AOPEP: variants seen among roughly 807,000 people sequenced by gnomAD.
The protein encoded by AOPEP is aminopeptidase O.
In AOPEP, 77 loss-of-function variants were observed where a neutral mutation model predicts 98.1. The ratio of observed to expected loss-of-function variants is 0.78; its 90% CI spans 0.65 to 0.95. The LOEUF (loss-of-function observed/expected upper bound fraction) is 0.95, where lower values mean the gene tolerates loss of function less well. AOPEP is among the 40% of genes least tolerant of loss of function. The pLI is 0.00. For synonymous variants in AOPEP, 346 were observed against 365.3 expected, an observed-to-expected ratio of 0.95 and a Z score of 0.60; for missense variants, 1,024 against 1,024.7, an observed-to-expected ratio of 1.00 and a Z score of 0.01.
intron 5 of AOPEP, among the ~76,000 whole-genome samples, chr9:94,866,986 C>T (rs1473064809): frequency 5.3e-5 from 8 of 152,020 alleles, no homozygotes; most frequent in Non-Finnish European, 1.5e-5. Flanking sequence ...TAAATCTAAC[C>T]CAGCAAAATT....
intron 13 of AOPEP, among the ~76,000 whole-genome samples, chr9:95,020,819 G>A (rs1393703318): frequency 3.4e-5 from 5 of 149,174 alleles, no homozygotes; most frequent in Non-Finnish European, 5.9e-5. Flanking sequence ...TCAGGAGGCT[G>A]AGGTGGGAGG....
At chr9:94,816,301 C>T (rs186755686) in intron 5 of AOPEP, among the ~76,000 whole-genome samples, 6 of 152,286 alleles carry the variant, frequency 3.9e-5, no homozygotes, top group East Asian at 3.9e-4. Context: ...TTGGCCTCCA[C>T]GCAGATACAC....
chr9:94,945,964 G>A (rs952798138), intron 7 of AOPEP, among the ~76,000 whole-genome samples: 3 of 152,084 alleles, frequency 2.0e-5, no homozygotes, highest in African/African-American at 7.2e-5. Flanking sequence ...GAGTCACTAT[G>A]ATCACCTTAA....
At chr9:94,806,345 G>A (rs1423838992) in intron 5 of AOPEP, among the ~76,000 whole-genome samples, 2 of 151,252 alleles carry the variant, frequency 1.3e-5, no homozygotes, top group Non-Finnish European at 2.9e-5. Flanking sequence ...GATGTTGAAT[G>A]GGCATTTCTT....
chr9:95,096,855 A>G, the AOPEP span, among the ~76,000 whole-genome samples: 1 of 152,210 alleles, frequency 6.6e-6, no homozygotes, highest in Non-Finnish European at 1.5e-5. Flanking sequence ...TGTCCATATG[A>G]ATGTTGGAAT....
chr9:94,942,249 T>A (rs2057088311), intron 7 of AOPEP, among the ~76,000 whole-genome samples: 1 of 152,228 alleles, frequency 6.6e-6, no homozygotes, highest in South Asian at 2.1e-4. Context: ...TAGTTTCCCA[T>A]TCAGAAAAAC....
chr9:94,955,250 A>G lies in AOPEP; in HGVS notation c.1735A>G (p.Lys579Glu). ...TATCAAGCATGGACTTAATCCGGAG[A>G]AGATCTTCATGCAGGTGCATTATTT... The part of the protein sequence containing the change: ...SVIKHGLNPE[K>E]IFMQVHYLKG... Residue 579 changes from lysine (K) to glutamate (E), a missense_variant, in exon 8 of 17, where the codon AAG (lysine) becomes GAG (glutamate). Physicochemically the swap from Lys to Glu is moderately conservative, Grantham distance 56. This residue lies in a region of AOPEP where 566 missense variants were observed against 551.7 expected (regional missense o/e 1.03). Coordinates refer to ENST00000375315, the MANE Select transcript of AOPEP (RefSeq NM_001193329.3). The G allele has an allele frequency of 6.2e-7, 1 of 1,613,460 alleles. No individual in the cohort carries two copies. Among genetic ancestry groups the G allele is most frequent in the South Asian group, 1.1e-5 (1 of 90,930 alleles).
At chr9:94,748,156 A>C (rs1834939741) in intron 1 of AOPEP, among the ~76,000 whole-genome samples, 1 of 152,108 alleles carries the variant, frequency 6.6e-6, no homozygotes, top group Non-Finnish European at 1.5e-5. Flanking sequence ...TTCTTTCTGC[A>C]CCTGAAAGGT....
At chr9:94,860,199 G>A (rs968578836) in intron 5 of AOPEP, among the ~76,000 whole-genome samples, 35 of 152,300 alleles carry the variant, frequency 2.3e-4, no homozygotes, top group African/African-American at 8.4e-4. Flanking sequence ...TTATACAGGA[G>A]GACAGGCTGT....
chr9:94,829,156 A>T (rs1186701846), intron 5 of AOPEP, among the ~76,000 whole-genome samples: 1 of 152,096 alleles, frequency 6.6e-6, no homozygotes. Context: ...GGCATGAGCC[A>T]CTGTGCCTGG....
intron 5 of AOPEP, among the ~76,000 whole-genome samples, chr9:94,864,327 T>G (rs1470896419): frequency 1.3e-5 from 2 of 152,232 alleles, no homozygotes; most frequent in Admixed American, 6.5e-5. Flanking sequence ...GTTTAAAAAC[T>G]TTTCCATTTA....
downstream of AOPEP, chr9:95,087,312 G>A (rs1209270514): frequency 6.6e-6 from 1 of 151,664 alleles, no homozygotes; most frequent in Non-Finnish European, 1.5e-5. Context: ...GTGAAACCCT[G>A]TCTCTACTAA....
At chr9:95,052,250 G>A (rs1276225024) in intron 13 of AOPEP, among the ~76,000 whole-genome samples, 1 of 152,074 alleles carries the variant, frequency 6.6e-6, no homozygotes, top group Non-Finnish European at 1.5e-5. Flanking sequence ...CAAGGATGGG[G>A]GTAGATAGCA....
intron 5 of AOPEP, among the ~76,000 whole-genome samples, chr9:94,912,390 A>G (rs992360978): frequency 6.6e-6 from 1 of 151,660 alleles, no homozygotes; most frequent in East Asian, 1.9e-4. Context: ...CCAGCCCCCG[A>G]CCCCCATGCT....
At chr9:94,919,923 C>T (rs568010900) in intron 5 of AOPEP, among the ~76,000 whole-genome samples, 2 of 152,228 alleles carry the variant, frequency 1.3e-5, no homozygotes, top group South Asian at 2.1e-4. Context: ...TTGTGAAAAG[C>T]GTTGAATCCA....
Position 95,019,558 on chromosome 9 carries a change from C to T in AOPEP, c.2115+13942C>T, listed in dbSNP as rs3802452. 4 of 152,310 alleles carry T rather than the reference C, an allele frequency of 2.6e-5. No individual in the cohort carries two copies. The East Asian group carries it at 7.7e-4, about 29-fold the overall frequency. 9.4% of individuals were successfully genotyped at this position (152,310 alleles called of 1,614,324 possible). On this transcript the variant is annotated intron_variant, in intron 13 of 16. Transcript: ENST00000375315. ...GCATCATCACATTGAAGTTTTCTGT[C>T]TAAAGGAAGGTTCCAGCTACCTGTT...
chr9:94,787,275 C>T (rs899330350), intron 3 of AOPEP, among the ~76,000 whole-genome samples: 3 of 152,302 alleles, frequency 2.0e-5, no homozygotes, highest in African/African-American at 7.2e-5. Flanking sequence ...CTGTGACTTC[C>T]GGTGTCTTCC....
chr9:94,907,235 T>C (rs557492644), intron 5 of AOPEP, among the ~76,000 whole-genome samples: 1 of 152,284 alleles, frequency 6.6e-6, no homozygotes, highest in South Asian at 2.1e-4. Context: ...ACACATTGGT[T>C]TCCTGCAGAC....
chr9:95,074,789 G>C (rs1320177163), intron 14 of AOPEP, among the ~76,000 whole-genome samples: 1 of 152,206 alleles, frequency 6.6e-6, no homozygotes, highest in African/African-American at 2.4e-5. Flanking sequence ...CTTCCGGCAG[G>C]TCAGGAGGCC....
Sources: gnomAD v4.1 joint callset for allele counts (sites outside exome capture counted in the v4.1 genomes callset) on GRCh38, gnomAD v4.1.1 for gene constraint, gnomAD v4.1.1 regional missense constraint, MANE v1.5 for transcripts, NCBI Gene and HGNC (gene_info 2026-07-23, HGNC 2026-07-21) for gene names.